SPOCK3: variants seen among roughly 807,000 people sequenced by gnomAD.
SPOCK3 encodes testican-3.
SPOCK3 carries 30 observed loss-of-function variants against 56.6 expected under a neutral mutation model. That is an observed-to-expected ratio of 0.53 (90% CI 0.40 to 0.72). The LOEUF (loss-of-function observed/expected upper bound fraction) is 0.72, where lower values mean the gene tolerates loss of function less well. SPOCK3 is among the 30% of genes least tolerant of loss of function. The pLI is 0.00. For missense variants in SPOCK3, 527 were observed against 530.0 expected, an observed-to-expected ratio of 0.99 and a Z score of 0.06; for synonymous variants, 196 against 183.3, an observed-to-expected ratio of 1.07 and a Z score of -0.56.
intron 2 of SPOCK3, among the ~76,000 whole-genome samples, chr4:167,205,535 TA>T (rs1734193528): frequency 3.5e-5 from 2 of 57,376 alleles, no homozygotes; most frequent in African/African-American, 8.7e-5. Flanking sequence ...TATTATTATA[TA>T]ATATATATTA....
chr4:167,158,743 T>A (rs184024350), intron 2 of SPOCK3, among the ~76,000 whole-genome samples: 1 of 152,148 alleles, frequency 6.6e-6, no homozygotes, highest in East Asian at 1.9e-4. Flanking sequence ...CAAAATCAAA[T>A]CCACACATAT....
chr4:167,024,963 T>C (rs989488899), intron 3 of SPOCK3, among the ~76,000 whole-genome samples: 6 of 152,060 alleles, frequency 3.9e-5, no homozygotes, highest in South Asian at 2.1e-4. Context: ...CTTTCTATGG[T>C]AGAAATGTAA....
chr4:167,083,100 C>T (rs1156283352), intron 2 of SPOCK3: 1 of 740,734 alleles, frequency 1.4e-6, no homozygotes, highest in Non-Finnish European at 2.5e-6. Context: ...CCCCCTCACA[C>T]AATGAATGAG....
chr4:167,025,107 T>C (rs2150169608), intron 3 of SPOCK3, among the ~76,000 whole-genome samples: 1 of 152,124 alleles, frequency 6.6e-6, no homozygotes, highest in Middle Eastern at 3.4e-3. Context: ...GTAGATAATA[T>C]ATCTGAAAAT....
At chr4:166,932,866 C>G (rs1739946766) in intron 4 of SPOCK3, among the ~76,000 whole-genome samples, 1 of 152,040 alleles carries the variant, frequency 6.6e-6, no homozygotes, top group African/African-American at 2.4e-5. Context: ...TAAGAACTAT[C>G]TAATTGATAG....
intron 2 of SPOCK3, among the ~76,000 whole-genome samples, chr4:167,154,358 G>A (rs990650265): frequency 1.3e-5 from 2 of 151,984 alleles, no homozygotes; most frequent in African/African-American, 2.4e-5. Flanking sequence ...CCAGGATTAC[G>A]GTCCTAGGGA....
At chr4:167,089,109 T>C (rs1258088300) in intron 2 of SPOCK3, among the ~76,000 whole-genome samples, 2 of 152,102 alleles carry the variant, frequency 1.3e-5, no homozygotes, top group Admixed American at 6.6e-5. Context: ...AAATCTGATA[T>C]GTAACTTAAA....
chr4:166,859,279 GTATTATAAAAA>G (rs1365957646), intron 6 of SPOCK3, among the ~76,000 whole-genome samples: 1 of 152,046 alleles, frequency 6.6e-6, no homozygotes, highest in African/African-American at 2.4e-5. Flanking sequence ...CTGTTATTAA[GTATTATAAAAA>G]TATACATAAA....
intron 7 of SPOCK3, among the ~76,000 whole-genome samples, chr4:166,766,498 T>A (rs937436306): frequency 5.3e-5 from 8 of 152,208 alleles, no homozygotes; most frequent in Admixed American, 2.0e-4. Flanking sequence ...ATTTAATGAT[T>A]TGCGTACGTT....
chr4:167,051,119 T>C (rs958270663), intron 3 of SPOCK3, among the ~76,000 whole-genome samples: 3 of 152,070 alleles, frequency 2.0e-5, no homozygotes, highest in Non-Finnish European at 4.4e-5. Flanking sequence ...TTTTAAAAAG[T>C]AAAATAATAA....
chr4:167,171,402 T>C (rs1730486334), intron 2 of SPOCK3, among the ~76,000 whole-genome samples: 1 of 152,166 alleles, frequency 6.6e-6, no homozygotes. Flanking sequence ...AGAGTGTGTG[T>C]TTAAGTACTT....
At position 167,184,364 on chromosome 4, in the gene SPOCK3, T is replaced by C. The variant is rs764677421; in HGVS notation, c.189+49621A>G. ...TGGTTATGTATGTCTTAAATGCTCC[T>C]AATTCACTATATATCATTCTTTCCC... is the stretch of plus-strand genomic sequence containing the variant. On this transcript the variant is annotated intron_variant, in intron 2 of 10. Coordinates refer to ENST00000357545, the MANE Select transcript of SPOCK3 (RefSeq NM_001040159.2). 2.4e-4 allele frequency among the ~76,000 whole-genome samples: 36 copies of C among 152,208 alleles called. 1 individual carries two copies. The highest frequency in any genetic ancestry group is 4.1e-4 in the Non-Finnish European group (28 of 68,028).
chr4:167,222,728 AAT>A (rs1311518864), intron 2 of SPOCK3, among the ~76,000 whole-genome samples: 1 of 131,110 alleles, frequency 7.6e-6, no homozygotes, highest in Non-Finnish European at 1.5e-5. Flanking sequence ...TTGATATATG[AAT>A]ATATAAATAT....
chr4:166,951,503 A>T (rs2150036926), intron 4 of SPOCK3, among the ~76,000 whole-genome samples: 1 of 141,908 alleles, frequency 7.0e-6, no homozygotes, highest in East Asian at 2.0e-4. Flanking sequence ...TACCAGAGGT[A>T]CAAAGAGGAA....
At chr4:166,873,506 A>G (rs1234014414) in intron 6 of SPOCK3, among the ~76,000 whole-genome samples, 2 of 152,246 alleles carry the variant, frequency 1.3e-5, no homozygotes, top group Admixed American at 6.5e-5. Flanking sequence ...GTGTGGATGT[A>G]TGGGTTATAT....
intron 7 of SPOCK3, among the ~76,000 whole-genome samples, chr4:166,788,101 G>T (rs1228302299): frequency 2.6e-5 from 4 of 152,128 alleles, no homozygotes; most frequent in Admixed American, 6.6e-5. Context: ...ATAATTGCTT[G>T]AACCCAGGAG....
chr4:167,212,719 C>T (rs569566183), intron 2 of SPOCK3, among the ~76,000 whole-genome samples: 1 of 152,218 alleles, frequency 6.6e-6, no homozygotes, highest in East Asian at 1.9e-4. Context: ...CACATTTCTC[C>T]ACCCACTACA....
chr4:166,981,760 A>C (rs1219256478), intron 4 of SPOCK3, among the ~76,000 whole-genome samples: 1 of 152,008 alleles, frequency 6.6e-6, no homozygotes, highest in African/African-American at 2.4e-5. Flanking sequence ...CAATCTTGTC[A>C]TCCATGGCAC....
intron 6 of SPOCK3, among the ~76,000 whole-genome samples, chr4:166,793,391 A>G (rs1741564103): frequency 6.6e-6 from 1 of 152,198 alleles, no homozygotes; most frequent in African/African-American, 2.4e-5. Context: ...CTGGAAGAAG[A>G]ATTGTCTTAG....
Sources: allele counts gnomAD v4.1 joint callset (sites outside exome capture counted in the v4.1 genomes callset), GRCh38; gene constraint gnomAD v4.1.1; transcripts MANE v1.5; gene names NCBI Gene and HGNC (gene_info 2026-07-23, HGNC 2026-07-21).